The following ADAMTS20 variants were observed in gnomAD, a reference collection of about 807,000 sequenced individuals.
The protein encoded by ADAMTS20 is ADAM metallopeptidase with thrombospondin type 1 motif 20, also known as A disintegrin and metalloproteinase with thrombospondin motifs 20.
Under a neutral mutation model 260.1 loss-of-function variants are expected in ADAMTS20, and 225 were observed. That is an observed-to-expected ratio of 0.87 (90% confidence interval 0.78 to 0.97). The LOEUF is 0.97. Among genes scored for constraint, ADAMTS20 ranks in the 50% least tolerant of loss-of-function variants. The probability of loss-of-function intolerance (pLI) is 0.00; values close to 1 mark genes in which losing one functional copy is unlikely to be tolerated. For missense variants in ADAMTS20, 2,400 were observed against 2,337.7 expected (o/e 1.03, Z -0.55); for synonymous variants, 802 against 769.5 (o/e 1.04, Z -0.70).
chr12:43,482,570 C>T (rs1232151747), intron 7 of ADAMTS20, among the ~76,000 whole-genome samples: 3 of 152,170 alleles, frequency 2.0e-5, no homozygotes, highest in South Asian at 2.1e-4. Context: ...CGGAACATTA[C>T]TCCAGCAGCC....
At chr12:43,420,525 C>T (rs1390562673) in intron 28 of ADAMTS20, among the ~76,000 whole-genome samples, 1 of 151,994 alleles carries the variant, frequency 6.6e-6, no homozygotes, top group Non-Finnish European at 1.5e-5. Context: ...CTGAACACTC[C>T]ACTTTACAAA....
At chr12:43,387,686 C>A (rs961508805) in intron 29 of ADAMTS20, among the ~76,000 whole-genome samples, 5 of 152,284 alleles carry the variant, frequency 3.3e-5, no homozygotes, top group Admixed American at 1.3e-4. Context: ...GATACCCTAC[C>A]CAGAGCAGAG....
At chr12:43,514,612 T>C (rs1942973944) in intron 3 of ADAMTS20, among the ~76,000 whole-genome samples, 1 of 133,552 alleles carries the variant, frequency 7.5e-6, no homozygotes, top group Non-Finnish European at 1.6e-5. Context: ...ATTCCACATC[T>C]TCAAATGCAA....
At chr12:43,411,688 C>T (rs963156038) in intron 28 of ADAMTS20, among the ~76,000 whole-genome samples, 1 of 152,080 alleles carries the variant, frequency 6.6e-6, no homozygotes. Flanking sequence ...TTTTTAATAC[C>T]ATAAGCTAAA....
intron 28 of ADAMTS20, among the ~76,000 whole-genome samples, chr12:43,407,287 C>G (rs767722143): frequency 6.6e-6 from 1 of 151,654 alleles, no homozygotes; most frequent in Non-Finnish European, 1.5e-5. Context: ...TGATTAACAA[C>G]AAATATATCC....
At chr12:43,492,783 T>C (rs34960510) in intron 5 of ADAMTS20, among the ~76,000 whole-genome samples, 154 bp from the exon 6 acceptor site, 3,659 of 152,322 alleles carry the variant, frequency 0.024, 68 homozygotes, top group East Asian at 0.079. Flanking sequence ...CTATAACGTA[T>C]TTTAGCAATA....
intron 3 of ADAMTS20, among the ~76,000 whole-genome samples, chr12:43,509,626 A>G (rs1013279553): frequency 1.3e-5 from 2 of 152,148 alleles, no homozygotes; most frequent in Non-Finnish European, 2.9e-5. Context: ...CGTAAGAAGA[A>G]GAAAGCAAGG....
intron 28 of ADAMTS20, among the ~76,000 whole-genome samples, chr12:43,422,307 A>T (rs894466516): frequency 6.6e-6 from 1 of 152,024 alleles, no homozygotes; most frequent in Non-Finnish European, 1.5e-5. Context: ...ACACACATGC[A>T]TGCATACACA....
At chr12:43,479,660 T>C (rs1168828095) in intron 7 of ADAMTS20, among the ~76,000 whole-genome samples, 1 of 151,906 alleles carries the variant, frequency 6.6e-6, no homozygotes, top group Non-Finnish European at 1.5e-5. Flanking sequence ...AAAATACCAA[T>C]AAAAACTTAT....
chr12:43,490,971 C>A (rs1267366787), intron 6 of ADAMTS20, among the ~76,000 whole-genome samples: 1 of 151,926 alleles, frequency 6.6e-6, no homozygotes, highest in Admixed American at 6.6e-5. Context: ...TGGCTTTTAA[C>A]TACAATCCAA....
At chr12:43,395,111 CAGAT>C (rs1246706647) in intron 29 of ADAMTS20, among the ~76,000 whole-genome samples, 2 of 152,052 alleles carry the variant, frequency 1.3e-5, no homozygotes, top group African/African-American at 4.8e-5. Context: ...GGAGCATTAA[CAGAT>C]AGCACTGAAA....
intron 10 of ADAMTS20, 22 bp from the exon 11 acceptor site, chr12:43,463,021 G>A (rs770006091): frequency 3.9e-6 from 6 of 1,544,984 alleles, no homozygotes; most frequent in Non-Finnish European, 5.3e-6. Context: ...CAAAAGGCAG[G>A]CAAGCCAGTG....
chr12:43,435,130 A>G (rs1463649675), intron 18 of ADAMTS20, among the ~76,000 whole-genome samples: 1 of 152,230 alleles, frequency 6.6e-6, no homozygotes, highest in Non-Finnish European at 1.5e-5. Context: ...CAAACCATAG[A>G]ATTTACAACA....
chr12:43,420,419 G>A (rs544253051), intron 28 of ADAMTS20, among the ~76,000 whole-genome samples: 43 of 152,220 alleles, frequency 2.8e-4, no homozygotes, highest in Admixed American at 9.2e-4. Flanking sequence ...GTTATGAGAA[G>A]TGTATTATAA....
chr12:43,513,836 T>C (rs1054977637), intron 3 of ADAMTS20, among the ~76,000 whole-genome samples: 1 of 148,246 alleles, frequency 6.7e-6, no homozygotes, highest in Admixed American at 6.9e-5. Flanking sequence ...CCGCATGTTC[T>C]CACTCATAGG....
rs1941369192 is a variant in ADAMTS20 at position 43,428,242 on chromosome 12, G to C, written c.3944C>G (p.Ser1315Ter). ...GNQWRTGPWG[S>*]CSSSCSGGLQ... is the part of the protein sequence containing the mutation. ...TATAACTCAATAAAGATGGCTTACT[G>C]ATCCCCATGGTCCGGTTCTCCACTG... The change falls in exon 26 of 39, where the codon TCA becomes TGA. Residue 1315 changes from serine to a stop codon, truncating the protein, a stop_gained and splice_region_variant. Coordinates refer to ENST00000389420, the MANE Select transcript of ADAMTS20 (RefSeq NM_025003.5). LOFTEE classifies it high-confidence loss of function. The C allele has an allele frequency of 6.2e-7, 1 of 1,612,996 alleles. No individual in the cohort carries two copies. The highest frequency in any genetic ancestry group is 8.5e-7 in the Non-Finnish European group (1 of 1,179,392).
Position 43,369,327 on chromosome 12 carries a change from G to A in ADAMTS20, c.5501C>T (p.Thr1834Ile). 1.3e-6 allele frequency: 2 copies of A among 1,559,074 alleles called. No individual in the cohort carries two copies. The highest frequency in any genetic ancestry group is 8.7e-7 in the Non-Finnish European group (1 of 1,153,756). ...TIFGNAVPFA[T>I]AGDCYSAFRC... ...GAAAGCACTGTAGCAATCTCCAGCT[G>A]TGGCAAATGGAACTGCATTTCCAAA... The change falls in exon 37 of 39, where the codon ACA becomes ATA. Residue 1834 changes from threonine to isoleucine, a missense_variant. Physicochemically the swap from Thr to Ile is moderately conservative, Grantham distance 89. Transcript: ENST00000389420.
intron 3 of ADAMTS20, among the ~76,000 whole-genome samples, chr12:43,522,051 C>T (rs900479468): frequency 6.6e-5 from 10 of 152,106 alleles, no homozygotes; most frequent in African/African-American, 1.7e-4. Flanking sequence ...TGTATTAGTT[C>T]GTTCTCACGC....
At chr12:43,525,242 A>G (rs1943125873) in intron 3 of ADAMTS20, among the ~76,000 whole-genome samples, 1 of 152,246 alleles carries the variant, frequency 6.6e-6, no homozygotes, top group Non-Finnish European at 1.5e-5. Flanking sequence ...CTCCTTAGAC[A>G]GGACAACTGT....
Sources: allele counts gnomAD v4.1 joint callset (sites outside exome capture counted in the v4.1 genomes callset), GRCh38; gene constraint gnomAD v4.1.1; transcripts MANE v1.5; gene names NCBI Gene and HGNC (gene_info 2026-07-23, HGNC 2026-07-21).